ADAM12: variants seen among roughly 807,000 people sequenced by gnomAD.
ADAM12 encodes disintegrin and metalloproteinase domain-containing protein 12.
ADAM12 carries 70 observed loss-of-function variants against 106.4 expected under a neutral mutation model. The ratio of observed to expected loss-of-function variants is 0.66; its 90% CI spans 0.54 to 0.80. ADAM12 has a LOEUF of 0.80. Ranked by LOEUF, ADAM12 falls within the 30% of genes least tolerant of loss-of-function variation. The pLI, the probability that ADAM12 is intolerant of heterozygous loss-of-function variation, is 0.00. For synonymous variants in ADAM12, 420 were observed against 433.5 expected (o/e 0.97, Z 0.39); for missense variants, 1,010 against 1,171.9 (o/e 0.86, Z 2.02).
chr10:126,354,350 A>G (rs1302202164), intron 1 of ADAM12, among the ~76,000 whole-genome samples: 1 of 152,192 alleles, frequency 6.6e-6, no homozygotes, highest in Non-Finnish European at 1.5e-5. Context: ...CCAGCCCTCT[A>G]CCAAGCCTCA....
chr10:126,014,533 GCTGTGAAATGTAA>G lies in ADAM12; in HGVS notation c.*2733_*2745del, dbSNP rs1953627086. On this transcript the variant is annotated 3_prime_UTR_variant, in exon 23 of 23. Coordinates refer to ENST00000448723, the MANE Select transcript of ADAM12 (RefSeq NM_001288973.2). ...ACATGTGTAAGCTGGAAAAATCCAC[GCTGTGAAATGTAA>G]CCTCCTGTGTGTATTTCCACAATGG... 2 of 151,266 alleles carry G rather than the reference GCTGTGAAATGTAA, an allele frequency of 1.3e-5. No homozygotes were observed. The highest frequency in any genetic ancestry group is 4.9e-5 in the African/African-American group (2 of 41,076). 9.4% of individuals were successfully genotyped at this position (151,266 alleles called of 1,614,324 possible).
chr10:126,148,258 G>T (rs1380474936), intron 4 of ADAM12, among the ~76,000 whole-genome samples: 7 of 152,310 alleles, frequency 4.6e-5, no homozygotes, highest in African/African-American at 1.7e-4. Context: ...ACAAAAAGTG[G>T]TTCTTATTTT....
chr10:126,237,070 C>G (rs991992582), intron 3 of ADAM12, among the ~76,000 whole-genome samples: 1 of 152,234 alleles, frequency 6.6e-6, no homozygotes, highest in Non-Finnish European at 1.5e-5. Flanking sequence ...AACCCCTCCC[C>G]CCATTTCCCC....
intron 20 of ADAM12, among the ~76,000 whole-genome samples, chr10:126,036,888 C>T (rs1311987185): frequency 6.6e-6 from 1 of 152,152 alleles, no homozygotes; most frequent in Non-Finnish European, 1.5e-5. Flanking sequence ...CTAAAAACAG[C>T]TTAATTGAGG....
At chr10:126,301,464 G>A (rs1044726757) in intron 2 of ADAM12, among the ~76,000 whole-genome samples, 1 of 152,156 alleles carries the variant, frequency 6.6e-6, no homozygotes, top group Non-Finnish European at 1.5e-5. Flanking sequence ...AAATTAGGTG[G>A]CAGTGCATTT....
chr10:126,071,551 C>T lies in ADAM12; in HGVS notation c.1249G>A (p.Glu417Lys), dbSNP rs1341886129. The change falls in exon 12 of 23, where the codon GAG (glutamate) becomes AAG (lysine). Residue 417 changes from glutamate to lysine, a missense_variant. Glu to Lys is a moderately conservative substitution (Grantham distance 56). This residue lies in a region of ADAM12 where 615 missense variants were observed against 708.5 expected (regional missense o/e 0.87). Transcript: ENST00000448723. ...VCLFNLPEVR[E>K]SFGGQKCGNR... ...CCACACTTCTGGCCCCCGAAAGACT[C>T]CCTGACTTCCGGCAGGTTAAACAGG... is the stretch of plus-strand genomic sequence containing the variant. 6.2e-7 allele frequency: 1 copy of T among 1,614,192 alleles called. No individual in the cohort carries two copies. The highest frequency in any genetic ancestry group is 1.3e-5 in the African/African-American group (1 of 75,040).
intron 5 of ADAM12, among the ~76,000 whole-genome samples, chr10:126,129,729 G>A (rs150564428): frequency 2.6e-5 from 4 of 152,250 alleles, no homozygotes; most frequent in African/African-American, 4.8e-5. Context: ...CTTCACATTC[G>A]ACTTGGAGTC....
intron 3 of ADAM12, among the ~76,000 whole-genome samples, chr10:126,257,044 G>C (rs12766526): frequency 2.0e-5 from 3 of 152,196 alleles, no homozygotes; most frequent in Non-Finnish European, 4.4e-5. Context: ...GGGCTCCCCA[G>C]TCCACTTCTG....
chr10:126,037,873 G>C (rs1208065576), intron 20 of ADAM12, among the ~76,000 whole-genome samples: 1 of 152,208 alleles, frequency 6.6e-6, no homozygotes, highest in Non-Finnish European at 1.5e-5. Context: ...GGTGGCATTT[G>C]GAAACCATGG....
chr10:126,267,826 G>T (rs1590708597), intron 3 of ADAM12, among the ~76,000 whole-genome samples: 2 of 151,678 alleles, frequency 1.3e-5, no homozygotes, highest in East Asian at 3.9e-4. Context: ...GTGGGGGGCG[G>T]TGGGGGTGGA....
chr10:126,190,303 C>T (rs1957476300), intron 3 of ADAM12, among the ~76,000 whole-genome samples: 2 of 151,894 alleles, frequency 1.3e-5, no homozygotes, highest in African/African-American at 2.4e-5. Flanking sequence ...TGGGTTCAAG[C>T]AATTCTCCCG....
intron 14 of ADAM12, among the ~76,000 whole-genome samples, chr10:126,052,367 G>A (rs1464523433): frequency 6.6e-6 from 1 of 152,224 alleles, no homozygotes; most frequent in African/African-American, 2.4e-5. Flanking sequence ...CTAGGAAATG[G>A]GTGGGTGGAG....
chr10:126,330,502 G>T lies in ADAM12; in HGVS notation c.96C>A (p.Ser32Arg). 1 of 1,613,350 alleles carries T rather than the reference G, an allele frequency of 6.2e-7. No individual in the cohort carries two copies. The highest frequency in any genetic ancestry group is 8.5e-7 in the Non-Finnish European group (1 of 1,179,804). ...CATCAGCTCTTCCTTGGTTCCATAA[G>T]CTCACCCCTGAATCAAAAGGAAAAC... ...LLAPCEARGV[S>R]LWNQGRADEV... The change falls in exon 2 of 23, where the codon AGC (serine) becomes AGA (arginine). Residue 32 changes from serine to arginine, a missense_variant. Ser to Arg is a moderately radical substitution (Grantham distance 110, BLOSUM62 -1). Coordinates refer to ENST00000448723, the MANE Select transcript of ADAM12 (RefSeq NM_001288973.2).
rs191542646 is a variant in ADAM12 at position 126,068,559 on chromosome 10, T to C, written c.1324-1753A>G. Among the ~76,000 whole-genome samples, 3 of 152,328 alleles carry C rather than the reference T, an allele frequency of 2.0e-5. No individual in the cohort carries two copies. The East Asian group carries it at 5.8e-4, about 29-fold the overall frequency. On this transcript the variant is annotated intron_variant, in intron 12 of 22. Transcript: ENST00000448723. ...CTTTAAACAAGGAGATAAGGCTGCT[T>C]TCCCAATCCTGTTAGCTGGAAGAAT...
In ADAM12 at chr10:126,013,719, A is replaced by ATT. The variant is rs1336440586; in HGVS notation, c.*3558_*3559dup. On this transcript the variant is annotated 3_prime_UTR_variant, in exon 23 of 23. Transcript: ENST00000448723. This position sits in a 1 kb window ranked among gnomAD's most constrained non-coding sequence, Gnocchi z 4.3. ...GTGATAGGGAAAGGTAAACAGATGT[A>ATT]TTAGCCACTGGCTTTGTGTGGGCAG... 1.3e-5 allele frequency: 2 copies of ATT among 152,310 alleles called. No individual in the cohort carries two copies. The highest frequency in any genetic ancestry group is 1.3e-4 in the Admixed American group (2 of 15,292). The allele number at this position is 152,310 out of a possible 1,614,324, so 9.4% of individuals were successfully genotyped here. A position where few individuals can be genotyped will look rare whatever the true frequency, so the allele number is the denominator to read the frequency against.
chr10:126,030,460 T>C (rs1275553954), intron 21 of ADAM12, among the ~76,000 whole-genome samples: 4 of 152,234 alleles, frequency 2.6e-5, no homozygotes, highest in Non-Finnish European at 5.9e-5. Flanking sequence ...GAGACTGTTT[T>C]CCGAATGACC....
chr10:126,072,916 TCC>T (rs1232845564), intron 11 of ADAM12, among the ~76,000 whole-genome samples: 1 of 152,126 alleles, frequency 6.6e-6, no homozygotes, highest in African/African-American at 2.4e-5. Flanking sequence ...GCTGCTACGC[TCC>T]CCTGATGATG....
rs1420906966 is a variant in ADAM12 at position 126,053,310 on chromosome 10, T to C, written c.1610-3641A>G. On this transcript the variant is annotated intron_variant, in intron 14 of 22. Transcript: ENST00000448723. The surrounding 1 kb of genome is among the most constrained non-coding windows in gnomAD (Gnocchi z 4.6). ...TCAGGTATTTATTTATTTATAGCAG[T>C]GTGAGAACAGACTAATACAGGGTGT... 1.3e-5 allele frequency among the ~76,000 whole-genome samples: 2 copies of C among 152,142 alleles called. No homozygotes were observed. The highest frequency in any genetic ancestry group is 2.9e-5 in the Non-Finnish European group (2 of 68,026).
intron 3 of ADAM12, among the ~76,000 whole-genome samples, chr10:126,205,652 C>T (rs1324269744): frequency 6.6e-6 from 1 of 152,216 alleles, no homozygotes; most frequent in Non-Finnish European, 1.5e-5. Flanking sequence ...CTGAAATATG[C>T]ACTCATTGCA....
Sources: allele counts gnomAD v4.1 joint callset (sites outside exome capture counted in the v4.1 genomes callset), GRCh38; gene constraint gnomAD v4.1.1; regional missense constraint gnomAD v4.1.1; non-coding constraint Gnocchi (gnomAD v3.1); transcripts MANE v1.5; gene names NCBI Gene and HGNC (gene_info 2026-07-23, HGNC 2026-07-21).